Variants in PDE8A observed in about 807,000 individuals in gnomAD.
PDE8A encodes the protein high affinity cAMP-specific and IBMX-insensitive 3',5'-cyclic phosphodiesterase 8A.
In PDE8A, 59 loss-of-function variants were observed where a neutral mutation model predicts 105.0. The ratio of observed to expected loss-of-function variants is 0.56; its 90% CI spans 0.46 to 0.70. The LOEUF (loss-of-function observed/expected upper bound fraction) is 0.70. Ranked by LOEUF, PDE8A falls within the 30% of genes least tolerant of loss-of-function variation. The pLI is 0.00. For synonymous variants in PDE8A, 355 were observed against 371.9 expected, an observed-to-expected ratio of 0.95 and a Z score of 0.52; for missense variants, 1,014 against 1,045.9, an observed-to-expected ratio of 0.97 and a Z score of 0.42.
chr15:85,053,903 A>G (rs2141424790), intron 1 of PDE8A, among the ~76,000 whole-genome samples: 1 of 152,360 alleles, frequency 6.6e-6, no homozygotes, highest in South Asian at 2.1e-4. Context: ...GCCAGTTTTC[A>G]AAGGGAATGC....
intron 1 of PDE8A, among the ~76,000 whole-genome samples, chr15:85,046,354 T>G (rs2080888064): frequency 6.6e-6 from 1 of 152,212 alleles, no homozygotes; most frequent in Non-Finnish European, 1.5e-5. Context: ...CAGCCATTCT[T>G]TCTGTTTCTT....
At position 85,113,454 on chromosome 15, in the gene PDE8A, C is replaced by T. The variant is rs1177730429; in HGVS notation, c.1185+7C>T. 6.2e-7 allele frequency: 1 copy of T among 1,611,462 alleles called. No individual in the cohort carries two copies. The stretch of plus-strand genomic sequence containing the variant: ...TGAGGCGCCCATCACCAAGGTGAAG[C>T]AGTTTGTGGTCTGTCTCCATTGAGC... On this transcript the variant is annotated splice_region_variant and intron_variant, in intron 13 of 21. Transcript: ENST00000394553.
At chr15:85,044,631 C>T (rs2080860485) in intron 1 of PDE8A, among the ~76,000 whole-genome samples, 1 of 152,208 alleles carries the variant, frequency 6.6e-6, no homozygotes, top group African/African-American at 2.4e-5. Context: ...TCCTGTCCAT[C>T]AGCAAGTCCT....
At chr15:85,050,949 A>G (rs978646618) in intron 1 of PDE8A, among the ~76,000 whole-genome samples, 2 of 152,166 alleles carry the variant, frequency 1.3e-5, no homozygotes, top group African/African-American at 4.8e-5. Flanking sequence ...TGAATGTGGG[A>G]TATGTTTCCA....
At chr15:85,070,056 G>C (rs1360177814) in intron 3 of PDE8A, among the ~76,000 whole-genome samples, 1 of 152,128 alleles carries the variant, frequency 6.6e-6, no homozygotes, top group African/African-American at 2.4e-5. Flanking sequence ...CCCCGAACCA[G>C]CTTGCCCTGT....
intron 1 of PDE8A, among the ~76,000 whole-genome samples, chr15:85,057,014 G>A (rs977431077): frequency 6.6e-6 from 1 of 152,120 alleles, no homozygotes; most frequent in Non-Finnish European, 1.5e-5. Flanking sequence ...TGTCCTTTCT[G>A]TTTGTTAGTT....
At chr15:85,094,107 A>T (rs1567280260) in intron 8 of PDE8A, among the ~76,000 whole-genome samples, 1 of 151,270 alleles carries the variant, frequency 6.6e-6, no homozygotes, top group Admixed American at 6.6e-5. Flanking sequence ...AAGCAGTCCT[A>T]CTCCCTCAGC....
chr15:85,062,078 C>A (rs924704642), intron 1 of PDE8A, among the ~76,000 whole-genome samples: 4 of 152,062 alleles, frequency 2.6e-5, no homozygotes, highest in African/African-American at 9.7e-5. Context: ...TCTAGTAGAT[C>A]TGCCATTAGG....
intron 1 of PDE8A, among the ~76,000 whole-genome samples, chr15:85,015,244 C>CTT (rs71138359): frequency 0.04 from 6,027 of 149,640 alleles, 387 homozygotes; most frequent in African/African-American, 0.13. Context: ...GTGCATAAGT[C>CTT]TTTTTTTTTT....
Position 84,982,128 on chromosome 15 carries a change from C to T in PDE8A, c.-35C>T. On this transcript the variant is annotated 5_prime_UTR_variant, in exon 1 of 22. Coordinates refer to ENST00000394553, the MANE Select transcript of PDE8A (RefSeq NM_002605.3). ...GGGCCGTTTGCTGACCGGATCGCGG[C>T]TACCCGCCAGCGTGTCCGCGGCGCC... The T allele has an allele frequency of 7.9e-7, 1 of 1,266,630 alleles. No individual in the cohort carries two copies. The highest frequency in any genetic ancestry group is 9.9e-7 in the Non-Finnish European group (1 of 1,006,932). 78.5% of individuals were successfully genotyped at this position (1,266,630 alleles called of 1,614,324 possible).
chr15:85,009,249 A>G (rs1009194644), intron 1 of PDE8A, among the ~76,000 whole-genome samples: 9 of 152,142 alleles, frequency 5.9e-5, no homozygotes, highest in African/African-American at 2.2e-4. Context: ...ACCTATGGAG[A>G]CAATTTTAGT....
chr15:85,066,436 A>C (rs1596484676), intron 2 of PDE8A, among the ~76,000 whole-genome samples: 1 of 151,824 alleles, frequency 6.6e-6, no homozygotes, highest in African/African-American at 2.4e-5. Flanking sequence ...GGTGGCGCAC[A>C]CCTGTAATCT....
intron 16 of PDE8A, among the ~76,000 whole-genome samples, chr15:85,116,603 A>T (rs1272001815): frequency 6.6e-6 from 1 of 152,114 alleles, no homozygotes; most frequent in Non-Finnish European, 1.5e-5. Context: ...TTTTGCCTTG[A>T]GTTTTTTCCC....
intron 20 of PDE8A, among the ~76,000 whole-genome samples, chr15:85,131,955 C>A (rs188627296): frequency 4.1e-4 from 63 of 152,128 alleles, no homozygotes; most frequent in African/African-American, 1.5e-3. Flanking sequence ...GAGAAATGAG[C>A]AGATCATCTT....
chr15:85,121,565 T>C (rs1285381283), intron 18 of PDE8A, among the ~76,000 whole-genome samples: 1 of 152,126 alleles, frequency 6.6e-6, no homozygotes, highest in Non-Finnish European at 1.5e-5. Flanking sequence ...AAGGGTCATA[T>C]GTCACTGTGC....
rs2079714226 is a variant in PDE8A, at chr15:84,981,882, A to T, written c.-281A>T. ...CGGCCGAGGCGAGCCCGGCGATGTG[A>T]GAGGCGGCCGTCGGCTCCTGCCTCA... is the stretch of plus-strand genomic sequence containing the variant. On this transcript the variant is annotated 5_prime_UTR_variant, in exon 1 of 22. The change abolishes the stop of an existing upstream ORF in the 5' untranslated region. Coordinates refer to ENST00000394553, the MANE Select transcript of PDE8A (RefSeq NM_002605.3). 2 of 218,180 alleles carry T rather than the reference A, an allele frequency of 9.2e-6. No individual in the cohort carries two copies. The highest frequency in any genetic ancestry group is 1.8e-5 in the Non-Finnish European group (2 of 111,940). The allele number at this position is 218,180 out of a possible 1,614,324, so 13.5% of individuals were successfully genotyped here.
intron 1 of PDE8A, among the ~76,000 whole-genome samples, chr15:85,058,233 A>G (rs954237057): frequency 6.6e-6 from 1 of 152,076 alleles, no homozygotes; most frequent in Non-Finnish European, 1.5e-5. Context: ...GGTGCATACC[A>G]CCATGACCAG....
At chr15:85,078,563 A>AG (rs2081415927) in intron 5 of PDE8A, among the ~76,000 whole-genome samples, 1 of 143,800 alleles carries the variant, frequency 7.0e-6, no homozygotes, top group African/African-American at 2.9e-5. Flanking sequence ...AAAAAAAAAA[A>AG]AAAAAAAGAA....
intron 11 of PDE8A, among the ~76,000 whole-genome samples, chr15:85,108,484 T>G (rs2081976826): frequency 6.6e-6 from 1 of 152,076 alleles, no homozygotes; most frequent in African/African-American, 2.4e-5. Context: ...GGGTCAGGAT[T>G]AGAGAAGAGT....
Sources: allele counts gnomAD v4.1 joint callset (sites outside exome capture counted in the v4.1 genomes callset), GRCh38; gene constraint gnomAD v4.1.1; transcripts MANE v1.5; gene names NCBI Gene and HGNC (gene_info 2026-07-23, HGNC 2026-07-21).